The following ZFAT variants were observed in gnomAD, a reference collection of about 807,000 sequenced individuals.
ZFAT encodes the protein zinc finger protein ZFAT.
ZFAT carries 64 observed loss-of-function variants against 117.7 expected under a neutral mutation model. The ratio of observed to expected loss-of-function variants is 0.54; its 90% CI spans 0.44 to 0.67. The LOEUF is 0.67. Ranked by LOEUF, ZFAT falls within the 30% of genes least tolerant of loss-of-function variation. The pLI is 0.00. For synonymous variants in ZFAT, 679 were observed against 615.0 expected (o/e 1.10, Z -1.54); for missense variants, 1,433 against 1,584.5 (o/e 0.90, Z 1.62).
chr8:134,634,576 T>C lies in ZFAT; in HGVS notation c.448+2885A>G, dbSNP rs760080349. Among the ~76,000 whole-genome samples the C allele has an allele frequency of 6.6e-5, 10 of 150,426 alleles. No individual in the cohort carries two copies. In the South Asian group the frequency reaches 1.0e-3, roughly 16 times the overall value. ...AAATCATAACACAAGTCTACAAATA[T>C]GTATACATATTGACACACACACACA... On this transcript the variant is annotated intron_variant, in intron 3 of 15. Transcript: ENST00000377838.
At chr8:134,543,852 T>C (rs189680142) in intron 11 of ZFAT, among the ~76,000 whole-genome samples, 9 of 152,336 alleles carry the variant, frequency 5.9e-5, no homozygotes, top group African/African-American at 1.9e-4. Flanking sequence ...GGGATGACAC[T>C]GTATAAATAC....
the ZFAT span, among the ~76,000 whole-genome samples, chr8:134,821,873 CA>C: frequency 1.8e-4 from 28 of 152,096 alleles, no homozygotes; most frequent in Non-Finnish European, 4.1e-4. Flanking sequence ...AAGGCCCAAA[CA>C]GCATTTCTTT....
intron 15 of ZFAT, among the ~76,000 whole-genome samples, chr8:134,489,576 C>G (rs1563765238): frequency 6.6e-6 from 1 of 152,188 alleles, no homozygotes; most frequent in African/African-American, 2.4e-5. Flanking sequence ...CTCTCTCCAT[C>G]TCTGCCGCAT....
At chr8:134,694,117 G>C (rs1248989000) in intron 1 of ZFAT, among the ~76,000 whole-genome samples, 1 of 152,142 alleles carries the variant, frequency 6.6e-6, no homozygotes, top group Non-Finnish European at 1.5e-5. Context: ...TCCACATTCA[G>C]AGTGAAGAGA....
At chr8:134,656,048 CA>C (rs1831582414) in intron 2 of ZFAT, among the ~76,000 whole-genome samples, 1 of 152,174 alleles carries the variant, frequency 6.6e-6, no homozygotes, top group Non-Finnish European at 1.5e-5. Context: ...CTTCAGAAAG[CA>C]AGTCACTGAC....
At chr8:134,713,599 T>C (rs1054128939), upstream of ZFAT, among the ~76,000 whole-genome samples, 5 of 152,096 alleles carry the variant, frequency 3.3e-5, no homozygotes, top group Non-Finnish European at 7.4e-5. Context: ...TCGTCTCTTT[T>C]TGTCCCACAA....
At chr8:134,825,045 T>C in the ZFAT span, among the ~76,000 whole-genome samples, 21 of 152,354 alleles carry the variant, frequency 1.4e-4, no homozygotes, top group Middle Eastern at 6.8e-3. Context: ...GTGTCTATTC[T>C]TCCACCTTAT....
intron 2 of ZFAT, among the ~76,000 whole-genome samples, chr8:134,645,026 T>C (rs1830800388): frequency 1.3e-5 from 2 of 152,060 alleles, no homozygotes; most frequent in African/African-American, 4.8e-5. Flanking sequence ...CACACGAGAA[T>C]GAGCTTGGTC....
intron 1 of ZFAT, among the ~76,000 whole-genome samples, chr8:134,670,190 C>G (rs577446490): frequency 1.3e-5 from 2 of 152,124 alleles, no homozygotes; most frequent in African/African-American, 4.8e-5. Context: ...TTAGACAGAT[C>G]AACGAGACAG....
Position 134,637,666 on chromosome 8 carries a change from C to T in ZFAT, c.243G>A (p.Thr81=), listed in dbSNP as rs202113873. The change falls in exon 3 of 16, where the codon ACG becomes ACA. Residue 81 remains threonine, a synonymous_variant. Transcript: ENST00000377838. ...KRKRGRPKGS[T]KKSSTEEELA... Reference sequence around the variant, plus strand: ...GCTCCTCTTCTGTGCTGGACTTCTTCGTGGACCCCTTAGGCCTGCCTCTCT... The same window carrying T: ...GCTCCTCTTCTGTGCTGGACTTCTTTGTGGACCCCTTAGGCCTGCCTCTCT... 2.7e-5 allele frequency: 44 copies of T among 1,614,178 alleles called. No individual in the cohort carries two copies. The highest frequency in any genetic ancestry group is 2.5e-4 in the African/African-American group (19 of 75,038).
intron 1 of ZFAT, among the ~76,000 whole-genome samples, chr8:134,662,103 G>GC (rs1831962530): frequency 6.6e-6 from 1 of 152,180 alleles, no homozygotes; most frequent in African/African-American, 2.4e-5. Flanking sequence ...CAGAATCAAT[G>GC]CTTGGTGAGG....
chr8:134,485,711 G>T (rs1285700365), intron 15 of ZFAT, among the ~76,000 whole-genome samples: 1 of 152,154 alleles, frequency 6.6e-6, no homozygotes, highest in Admixed American at 6.5e-5. Context: ...CCAGGACATT[G>T]AAACAGCCCC....
rs758050176 is a variant in ZFAT, at chr8:134,638,549, C to CAAAAAAAAAAAAAAAAAAAAA, written c.197-838_197-837insTTTTTTTTTTTTTTTTTTTTT. On this transcript the variant is annotated intron_variant, in intron 2 of 15. Coordinates refer to ENST00000377838, the MANE Select transcript of ZFAT (RefSeq NM_020863.4). ...TGAAACTCTGTCTCTACTAAAAATA[C>CAAAAAAAAAAAAAAAAAAAAA]AAAAAAAAAACAAAACAAAAAAAAA... Among the ~76,000 whole-genome samples, 22 of 101,112 alleles carry CAAAAAAAAAAAAAAAAAAAAA rather than the reference C, an allele frequency of 2.2e-4. 1 individual carries two copies. The highest frequency in any genetic ancestry group is 7.4e-4 in the African/African-American group (20 of 26,850). The allele number at this position is 101,112 out of a possible 152,430, so 66.3% of individuals were successfully genotyped here. A position where few individuals can be genotyped will look rare whatever the true frequency, so the allele number is the denominator to read the frequency against.
chr8:134,790,251 C>T, the ZFAT span, among the ~76,000 whole-genome samples: 1 of 152,154 alleles, frequency 6.6e-6, no homozygotes, highest in African/African-American at 2.4e-5. Flanking sequence ...CCTAGTCTAA[C>T]CCCCTAAAAG....
chr8:134,618,655 TTC>T (rs1247238331), intron 3 of ZFAT, among the ~76,000 whole-genome samples: 1 of 152,234 alleles, frequency 6.6e-6, no homozygotes, highest in Non-Finnish European at 1.5e-5. Flanking sequence ...AAATAAAATA[TTC>T]TCTTTATGAG....
At chr8:134,505,925 G>T (rs527514041) in intron 15 of ZFAT, among the ~76,000 whole-genome samples, 24 of 152,296 alleles carry the variant, frequency 1.6e-4, no homozygotes, top group Middle Eastern at 6.8e-3. Context: ...CAGAGTGGTT[G>T]CTCAGTAAAT....
intron 1 of ZFAT, among the ~76,000 whole-genome samples, chr8:134,675,892 C>T (rs890518296): frequency 3.3e-5 from 5 of 152,092 alleles, no homozygotes; most frequent in African/African-American, 9.7e-5. Flanking sequence ...CAAGCAAACA[C>T]TGAGAGATTT....
the ZFAT span, among the ~76,000 whole-genome samples, chr8:134,729,058 T>C: frequency 6.6e-6 from 1 of 152,262 alleles, no homozygotes; most frequent in African/African-American, 2.4e-5. Context: ...AGAATTATAC[T>C]ATCAGGAAAG....
chr8:134,728,625 A>C, the ZFAT span, among the ~76,000 whole-genome samples: 1 of 152,180 alleles, frequency 6.6e-6, no homozygotes, highest in Non-Finnish European at 1.5e-5. Context: ...GCAAAGATGC[A>C]CATCCAACCC....
Sources: allele counts gnomAD v4.1 joint callset (sites outside exome capture counted in the v4.1 genomes callset), GRCh38; gene constraint gnomAD v4.1.1; transcripts MANE v1.5; gene names NCBI Gene and HGNC (gene_info 2026-07-23, HGNC 2026-07-21).